RAPGEF6: variants seen among roughly 807,000 people sequenced by gnomAD.
RAPGEF6 encodes the protein Rap guanine nucleotide exchange factor 6.
A neutral mutation model predicts 171.4 loss-of-function variants in RAPGEF6; 56 were observed. The ratio of observed to expected loss-of-function variants is 0.33; its 90% CI spans 0.26 to 0.41. The LOEUF is 0.41. Ranked by LOEUF, RAPGEF6 falls within the 10% of genes least tolerant of loss-of-function variation. The probability of loss-of-function intolerance (pLI) is 1.00; values close to 1 mark genes in which losing one functional copy is unlikely to be tolerated. For missense variants in RAPGEF6, 1,674 were observed against 1,921.4 expected, an observed-to-expected ratio of 0.87 and a Z score of 2.41; for synonymous variants, 692 against 650.1, an observed-to-expected ratio of 1.06 and a Z score of -0.98.
intron 17 of RAPGEF6, among the ~76,000 whole-genome samples, chr5:131,471,460 T>C (rs1754731454): frequency 6.6e-6 from 1 of 152,226 alleles, no homozygotes; most frequent in African/African-American, 2.4e-5. Context: ...GAGATGGAAC[T>C]AAGTTTCCTC....
At chr5:131,440,571 C>G (rs1251304472) in intron 23 of RAPGEF6, among the ~76,000 whole-genome samples, 1 of 151,616 alleles carries the variant, frequency 6.6e-6, no homozygotes, top group Non-Finnish European at 1.5e-5. Flanking sequence ...AACCCCATCT[C>G]TACTAAAAAT....
At chr5:131,531,665 ACAATT>A (rs1759381908) in intron 6 of RAPGEF6, among the ~76,000 whole-genome samples, 1 of 152,186 alleles carries the variant, frequency 6.6e-6, no homozygotes, top group African/African-American at 2.4e-5. Flanking sequence ...GTAAAATAGC[ACAATT>A]CAATTGTAAA....
chr5:131,630,769 T>C (rs1766255621), intron 1 of RAPGEF6, among the ~76,000 whole-genome samples: 1 of 152,232 alleles, frequency 6.6e-6, no homozygotes, highest in Non-Finnish European at 1.5e-5. Context: ...AAAGGAACCA[T>C]TCATTTTGTC....
At chr5:131,524,288 A>C (rs1758707187) in intron 6 of RAPGEF6, among the ~76,000 whole-genome samples, 1 of 152,176 alleles carries the variant, frequency 6.6e-6, no homozygotes, top group Non-Finnish European at 1.5e-5. Context: ...AAAATACAGT[A>C]ATTAAAATAC....
intron 15 of RAPGEF6, among the ~76,000 whole-genome samples, chr5:131,486,417 C>T (rs996304015): frequency 3.3e-5 from 5 of 152,226 alleles, no homozygotes; most frequent in African/African-American, 1.2e-4. Flanking sequence ...AGAAAGTTGA[C>T]ACAAGTTTTG....
chr5:131,516,201 C>G (rs1758073001), intron 7 of RAPGEF6, among the ~76,000 whole-genome samples: 1 of 151,530 alleles, frequency 6.6e-6, no homozygotes, highest in Non-Finnish European at 1.5e-5. Context: ...GATTCTCTTG[C>G]CTCAGCCTCC....
chr5:131,480,524 G>A (rs1755400293), intron 15 of RAPGEF6, among the ~76,000 whole-genome samples: 1 of 152,140 alleles, frequency 6.6e-6, no homozygotes, highest in African/African-American at 2.4e-5. Flanking sequence ...TGTCGCCCAG[G>A]CTGGAGTGCA....
chr5:131,495,728 A>G, intron 12 of RAPGEF6, 68 bp from the exon 13 acceptor site: 1 of 1,538,184 alleles, frequency 6.5e-7, no homozygotes, highest in Non-Finnish European at 8.8e-7. Context: ...TGGATTCCAA[A>G]AGCATGTCTA....
chr5:131,581,631 C>T (rs1054090468), intron 4 of RAPGEF6, among the ~76,000 whole-genome samples: 15 of 152,168 alleles, frequency 9.9e-5, no homozygotes, highest in African/African-American at 3.1e-4. Context: ...CTCCATACCG[C>T]CCCCAAAATT....
intron 19 of RAPGEF6, among the ~76,000 whole-genome samples, chr5:131,456,605 C>G (rs1753522379): frequency 6.6e-6 from 1 of 152,152 alleles, no homozygotes; most frequent in Non-Finnish European, 1.5e-5. Context: ...ATAATTCATG[C>G]CAGTTAGGCT....
intron 17 of RAPGEF6, among the ~76,000 whole-genome samples, chr5:131,466,676 T>C (rs2149840456): frequency 6.6e-6 from 1 of 152,310 alleles, no homozygotes; most frequent in Middle Eastern, 3.4e-3. Context: ...TGCTCCTCCT[T>C]GCTTTCTGCC....
At position 131,462,027 on chromosome 5, in the gene RAPGEF6, G is replaced by C. The variant is rs1300547867; in HGVS notation, c.2542C>G (p.Leu848Val). The change falls in exon 19 of 28, where the codon CTA becomes GTA. Residue 848 changes from leucine to valine, a missense_variant. Leu to Val is a conservative substitution (Grantham distance 32). This residue lies in a region of RAPGEF6 where 1,116 missense variants were observed against 1,321.5 expected (regional missense o/e 0.84). Coordinates refer to ENST00000509018, the MANE Select transcript of RAPGEF6 (RefSeq NM_016340.6). ...TLCSDEDAQE[L>V]VKESQLSMLQ... The stretch of plus-strand genomic sequence containing the variant: ...ATGGATAGCTGGCTTTCCTTAACTA[G>C]TTCTTGAGCATCTTCATCTGAACAT... 3.7e-6 allele frequency: 6 copies of C among 1,612,280 alleles called. No individual in the cohort carries two copies. The highest frequency in any genetic ancestry group is 1.7e-5 in the Admixed American group (1 of 59,754).
In RAPGEF6 at chr5:131,508,114, A is replaced by G. The variant is rs1188995154; in HGVS notation, c.899T>C (p.Val300Ala). 4 of 1,613,226 alleles carry G rather than the reference A, an allele frequency of 2.5e-6. No individual in the cohort carries two copies. The highest frequency in any genetic ancestry group is 1.1e-5 in the South Asian group (1 of 90,952). ...RELCSVMIFE[V>A]VEQAGAIILE... Reference sequence around the variant, plus strand: ...AATAATAGCTCCAGCCTGCTCTACCACTTCAAAAATCATCACTGAGCAGAG... The same window carrying G: ...AATAATAGCTCCAGCCTGCTCTACCGCTTCAAAAATCATCACTGAGCAGAG... Residue 300 changes from valine (V) to alanine (A), a missense_variant, in exon 9 of 28, where the codon GTG becomes GCG. Coordinates refer to ENST00000509018, the MANE Select transcript of RAPGEF6 (RefSeq NM_016340.6).
chr5:131,504,744 A>G lies in RAPGEF6; in HGVS notation c.1136T>C (p.Ile379Thr). 6.2e-7 allele frequency: 1 copy of G among 1,613,708 alleles called. No individual in the cohort carries two copies. The highest frequency in any genetic ancestry group is 8.5e-7 in the Non-Finnish European group (1 of 1,179,840). Residue 379 changes from isoleucine (I) to threonine (T), a missense_variant, in exon 11 of 28, where the codon ATT becomes ACT. Ile to Thr is a moderately conservative substitution (Grantham distance 89). This residue lies in a region of RAPGEF6 where 1,116 missense variants were observed against 1,321.5 expected (regional missense o/e 0.84). Transcript: ENST00000509018. ...VCIAQQDYWR[I>T]LNHVEKNTHK... ...GGTATTTTTTTCCACATGGTTTAAAATTCTCCAATAATCTTGCTGGGCTAT... is the reference window on the plus strand; with the variant it reads ...GGTATTTTTTTCCACATGGTTTAAAGTTCTCCAATAATCTTGCTGGGCTAT...
At chr5:131,428,876 G>C in intron 27 of RAPGEF6, 26 bp downstream of exon 27, 1 of 1,589,304 alleles carries the variant, frequency 6.3e-7, no homozygotes, top group African/African-American at 1.3e-5. Context: ...TCATTTAAGA[G>C]CCTTTAAGAG....
chr5:131,431,099 CAG>C lies in RAPGEF6; in HGVS notation c.4223_4224del (p.Ser1408Ter). 6.2e-7 allele frequency: 1 copy of C among 1,614,172 alleles called. No individual in the cohort carries two copies. On this transcript the variant is annotated frameshift_variant, in exon 26 of 28. Coordinates refer to ENST00000509018, the MANE Select transcript of RAPGEF6 (RefSeq NM_016340.6). LOFTEE classifies it high-confidence loss of function. ...DPIAEVEPTDSEPYSCSKSCS... is the reference protein window; with the variant it reads ...DPIAEVEPTDXEPYSCSKSCS... ...CAGCTTTTAGAACAGGAATAGGGCT[CAG>C]AGTCAGTGGGTTCAACTTCAGCAAT...
intron 11 of RAPGEF6, among the ~76,000 whole-genome samples, chr5:131,501,627 G>A (rs1380958769): frequency 1.3e-5 from 2 of 151,902 alleles, no homozygotes; most frequent in Non-Finnish European, 2.9e-5. Flanking sequence ...GTGGGATGCT[G>A]GGAGACAGGG....
chr5:131,634,874 C>T lies in RAPGEF6; in HGVS notation c.69+88G>A. 3 of 1,454,284 alleles carry T rather than the reference C, an allele frequency of 2.1e-6. No individual in the cohort carries two copies. In the South Asian group the frequency reaches 3.5e-5, roughly 17 times the overall value. 90.1% of individuals were successfully genotyped at this position (1,454,284 alleles called of 1,614,324 possible). On this transcript the variant is annotated intron_variant, in intron 1 of 27. Coordinates refer to ENST00000509018, the MANE Select transcript of RAPGEF6 (RefSeq NM_016340.6). ...CCCAGTAGCAGGTGCGAGACTCTGG[C>T]AAGAGGGCAGTCGCCGCGGATTTCG...
intron 6 of RAPGEF6, among the ~76,000 whole-genome samples, chr5:131,543,963 C>T (rs1253224116): frequency 6.6e-6 from 1 of 152,056 alleles, no homozygotes; most frequent in Non-Finnish European, 1.5e-5. Flanking sequence ...AGAGGCTCAA[C>T]ACCGTAAGTC....
Sources: allele counts gnomAD v4.1 joint callset (sites outside exome capture counted in the v4.1 genomes callset), GRCh38; gene constraint gnomAD v4.1.1; regional missense constraint gnomAD v4.1.1; transcripts MANE v1.5; gene names NCBI Gene and HGNC (gene_info 2026-07-23, HGNC 2026-07-21).